The following OTOG variants were observed in gnomAD, a reference collection of about 807,000 sequenced individuals.
OTOG encodes otogelin.
OTOG carries 296 observed loss-of-function variants against 313.8 expected under a neutral mutation model. That is an observed-to-expected ratio of 0.94 (90% CI 0.86 to 1.04). The LOEUF (loss-of-function observed/expected upper bound fraction) is 1.04, where lower values mean the gene tolerates loss of function less well. OTOG is among the 50% of genes least tolerant of loss of function. The pLI, the probability that OTOG is intolerant of heterozygous loss-of-function variation, is 0.00. For missense variants in OTOG, 3,948 were observed against 3,840.1 expected (o/e 1.03, Z -0.74); for synonymous variants, 1,533 against 1,554.9 (o/e 0.99, Z 0.33).
In OTOG at chr11:17,606,049, T is replaced by C. The variant is rs1314880542; in HGVS notation, c.4070T>C (p.Phe1357Ser). 6.5e-7 allele frequency: 1 copy of C among 1,550,384 alleles called. No homozygotes were observed. Among genetic ancestry groups the C allele is most frequent in the Non-Finnish European group, 8.7e-7 (1 of 1,146,980 alleles). Residue 1357 changes from phenylalanine to serine, a missense_variant, in exon 33 of 56, where the codon TTC becomes TCC. Transcript: ENST00000399397. ...GAGTCCCTGGCCAAGCCCAGCTCCT[T>C]CCTCTATGTGTCGGGCGCGGTGCTG... The part of the protein sequence containing the change: ...ALESLAKPSS[F>S]LYVSGAVLAL...
intron 3 of OTOG, 128 bp from the exon 4 acceptor site, chr11:17,551,872 G>A (rs899502290): frequency 1.3e-6 from 1 of 755,250 alleles, no homozygotes; most frequent in Non-Finnish European, 2.3e-6. Flanking sequence ...GAGTGGCTGG[G>A]GCACTGAGGG....
intron 39 of OTOG, among the ~76,000 whole-genome samples, chr11:17,622,961 A>G (rs1441527644): frequency 1.3e-5 from 2 of 152,162 alleles, no homozygotes; most frequent in Non-Finnish European, 2.9e-5. Flanking sequence ...CATTCCCACC[A>G]AAAGTGTGAG....
intron 4 of OTOG, 138 bp downstream of exon 4, chr11:17,552,213 C>T: frequency 2.4e-6 from 2 of 841,300 alleles, no homozygotes; most frequent in South Asian, 1.6e-5. Context: ...CTTCCACCCA[C>T]TCTGGCCCCG....
At chr11:17,608,147 C>G (rs1010501258) in intron 33 of OTOG, 149 bp from the exon 34 acceptor site, 1 of 558,820 alleles carries the variant, frequency 1.8e-6, no homozygotes, top group African/African-American at 1.9e-5. Context: ...ACCATGAACG[C>G]AGTTTCTCCT....
At chr11:17,587,172 C>A (rs1391160955) in intron 24 of OTOG, among the ~76,000 whole-genome samples, 1 of 152,170 alleles carries the variant, frequency 6.6e-6, no homozygotes, top group Non-Finnish European at 1.5e-5. Context: ...TAGGTACATT[C>A]TTGTGTATGA....
Position 17,611,322 on chromosome 11 carries a change from A to G in OTOG, c.6022A>G (p.Thr2008Ala), listed in dbSNP as rs949347187. 5 of 1,550,420 alleles carry G rather than the reference A, an allele frequency of 3.2e-6. No homozygotes were observed. The African/African-American group carries it at 4.1e-5, about 13-fold the overall frequency. ...AGCAGAGCCGGTGGACGAGGCCACC[A>G]CAGAACCATCTGGGCGCTCAGCCCC... ...LAAEPVDEATTEPSGRSAPAL... is the reference protein window; with the variant it reads ...LAAEPVDEATAEPSGRSAPAL... The change falls in exon 36 of 56, where the codon ACA becomes GCA. Residue 2008 changes from threonine (T) to alanine (A), a missense_variant. Transcript: ENST00000399397.
intron 34 of OTOG, among the ~76,000 whole-genome samples, 169 bp downstream of exon 34, chr11:17,608,582 C>T (rs938615459): frequency 6.6e-6 from 1 of 152,188 alleles, no homozygotes; most frequent in Admixed American, 6.5e-5. Flanking sequence ...ATGTGACTAT[C>T]TATTTGTGCA....
chr11:17,611,497 G>A, intron 36 of OTOG, 74 bp downstream of exon 36: 1 of 1,382,114 alleles, frequency 7.2e-7, no homozygotes, highest in Middle Eastern at 1.9e-4. Flanking sequence ...CCTGCTAGAT[G>A]GAGTTTTAGT....
Position 17,612,284 on chromosome 11 carries a change from C to T in OTOG, c.6246C>T (p.Ala2082=), listed in dbSNP as rs914074705. 1.0e-5 allele frequency: 16 copies of T among 1,542,858 alleles called. No homozygotes were observed. The Admixed American group carries it at 1.2e-4, about 11-fold the overall frequency. The change falls in exon 37 of 56, where the codon GCC becomes GCT. Residue 2082 remains alanine (A), a synonymous_variant. Transcript: ENST00000399397. ...APPRCGILGL[A]VRVGGDRCCP... is the part of the protein sequence containing the mutation. ...CTCGCTGTGGGATCCTGGGCCTCGC[C>T]GTGCGGGTGGGTGGGGACCGCTGCT...
At chr11:17,626,203 T>C (rs146078435) in intron 39 of OTOG, among the ~76,000 whole-genome samples, 6,054 of 152,224 alleles carry the variant, frequency 0.04, 414 homozygotes, top group African/African-American at 0.14. Flanking sequence ...TCAGACAGAG[T>C]CTCACTCTGT....
rs1002369205 is a variant in OTOG at position 17,576,537 on chromosome 11, T to C, written c.2487-19T>C. On this transcript the variant is annotated intron_variant, in intron 20 of 55. Transcript: ENST00000399397. ...GCTCCTGAGCCTGCTCACCTTTCTT[T>C]GCTCCCATTTTTTTATAGGAACCAG... The C allele has an allele frequency of 3.9e-6, 6 of 1,545,976 alleles. No individual in the cohort carries two copies. Among genetic ancestry groups the C allele is most frequent in the South Asian group, 1.2e-5 (1 of 83,958 alleles).
intron 39 of OTOG, among the ~76,000 whole-genome samples, chr11:17,625,302 G>A (rs1355363527): frequency 6.6e-6 from 1 of 152,222 alleles, no homozygotes; most frequent in East Asian, 1.9e-4. Context: ...TGTCATAGAC[G>A]GCTCTTATTA....
rs1305287290 is a variant in OTOG, at chr11:17,561,702, T to C, written c.1539T>C (p.Phe513=). 7 of 1,550,364 alleles carry C rather than the reference T, an allele frequency of 4.5e-6. No individual in the cohort carries two copies. The highest frequency in any genetic ancestry group is 2.0e-5 in the Admixed American group (1 of 50,984). The change falls in exon 15 of 56, where the codon TTT becomes TTC. Residue 513 remains phenylalanine, a synonymous_variant. Coordinates refer to ENST00000399397, the MANE Select transcript of OTOG (RefSeq NM_001292063.2). ...SVTGDIHFTT[F]DGRRYTFPAT... ...CTGGTGACATTCACTTCACAACCTT[T>C]GATGGCCGCCGGTACACGTTCCCCG...
intron 40 of OTOG, among the ~76,000 whole-genome samples, chr11:17,629,998 C>A (rs1363711722): frequency 6.6e-6 from 1 of 152,146 alleles, no homozygotes; most frequent in African/African-American, 2.4e-5. Context: ...CACATACACA[C>A]ACACACCCTC....
intron 38 of OTOG, among the ~76,000 whole-genome samples, chr11:17,613,232 T>TTTCA (rs1305322311): frequency 7.1e-6 from 1 of 140,726 alleles, no homozygotes; most frequent in Non-Finnish European, 1.5e-5. Flanking sequence ...TCTTTCTTTC[T>TTTCA]TTCTTTCTTT....
Position 17,553,493 on chromosome 11 carries a change from C to T in OTOG, c.514C>T (p.Pro172Ser). 6.9e-7 allele frequency: 1 copy of T among 1,450,118 alleles called. No individual in the cohort carries two copies. Among genetic ancestry groups the T allele is most frequent in the Non-Finnish European group, 9.1e-7 (1 of 1,099,926 alleles). The allele number at this position is 1,450,118 out of a possible 1,614,324, so 89.8% of individuals were successfully genotyped here. ...GSYTLVGRHEPEGQSFSIQVH... is the reference protein window; with the variant it reads ...GSYTLVGRHESEGQSFSIQVH... ...CTACACCCTGGTGGGTCGCCATGAG[C>T]CCGAGGGACAGAGCTTCTCCATCCA... The change falls in exon 6 of 56, where the codon CCC becomes TCC. Residue 172 changes from proline to serine, a missense_variant. By Grantham distance (74) the Pro-to-Ser change is moderately conservative. Coordinates refer to ENST00000399397, the MANE Select transcript of OTOG (RefSeq NM_001292063.2).
At chr11:17,639,572 G>A in intron 49 of OTOG, 109 bp downstream of exon 49, 2 of 1,198,926 alleles carry the variant, frequency 1.7e-6, no homozygotes, top group East Asian at 5.2e-5. Context: ...AGGAACCCGG[G>A]GTTGCAAGTC....
chr11:17,645,056 C>T (rs1267075462), intron 54 of OTOG, among the ~76,000 whole-genome samples: 2 of 152,282 alleles, frequency 1.3e-5, no homozygotes, highest in South Asian at 2.1e-4. Flanking sequence ...TGGGTGAATC[C>T]CTGGTCCAGT....
chr11:17,603,659 C>T (rs1057252549), intron 32 of OTOG, among the ~76,000 whole-genome samples: 2 of 152,144 alleles, frequency 1.3e-5, no homozygotes, highest in African/African-American at 4.8e-5. Flanking sequence ...CCTGGGCAGC[C>T]AAGGAAAGGT....
Sources: gnomAD v4.1 joint callset for allele counts (sites outside exome capture counted in the v4.1 genomes callset) on GRCh38, gnomAD v4.1.1 for gene constraint, MANE v1.5 for transcripts, NCBI Gene and HGNC (gene_info 2026-07-23, HGNC 2026-07-21) for gene names.